Variants in MAMDC2 observed in about 807,000 individuals in gnomAD.
MAMDC2 encodes the protein MAM domain containing 2.
Under a neutral mutation model 89.8 loss-of-function variants are expected in MAMDC2, and 57 were observed. The observed-to-expected ratio is 0.63, with a 90% CI of 0.51 to 0.79. The LOEUF (loss-of-function observed/expected upper bound fraction) is 0.79. Ranked by LOEUF, MAMDC2 falls within the 30% of genes least tolerant of loss-of-function variation. The pLI is 0.00. For synonymous variants in MAMDC2, 313 were observed against 293.4 expected (o/e 1.07, Z -0.68); for missense variants, 800 against 820.6 (o/e 0.97, Z 0.31).
intron 5 of MAMDC2, among the ~76,000 whole-genome samples, chr9:70,121,161 T>C (rs1199665302): frequency 2.0e-5 from 3 of 152,044 alleles, no homozygotes; most frequent in Admixed American, 1.3e-4. Context: ...TGCTTGAAAA[T>C]AAACATTCAG....
intron 2 of MAMDC2, among the ~76,000 whole-genome samples, chr9:70,075,376 C>T (rs778070880): frequency 6.6e-6 from 1 of 152,172 alleles, no homozygotes; most frequent in Admixed American, 6.5e-5. Context: ...GCACCAGAAT[C>T]GCTACAATAT....
chr9:70,084,234 C>G (rs1827717637), intron 2 of MAMDC2, among the ~76,000 whole-genome samples: 1 of 152,074 alleles, frequency 6.6e-6, no homozygotes. Flanking sequence ...GGTCTGACTT[C>G]CTATTTAGCT....
chr9:70,218,842 A>T (rs545801020), intron 12 of MAMDC2, among the ~76,000 whole-genome samples: 53 of 152,304 alleles, frequency 3.5e-4, no homozygotes, highest in African/African-American at 1.2e-3. Flanking sequence ...AAGTATATCT[A>T]TTTTTGTCTT....
intron 11 of MAMDC2, among the ~76,000 whole-genome samples, chr9:70,207,598 G>C (rs528455985): frequency 6.6e-6 from 1 of 152,192 alleles, no homozygotes; most frequent in Non-Finnish European, 1.5e-5. Flanking sequence ...TCACTCTGAT[G>C]GTAGTTTCTT....
In MAMDC2 at chr9:70,044,707, C is replaced by A; in HGVS notation, c.148+10C>A. 6.5e-7 allele frequency: 1 copy of A among 1,542,708 alleles called. No individual in the cohort carries two copies. Among genetic ancestry groups the A allele is most frequent in the African/African-American group, 1.4e-5 (1 of 73,044 alleles). On this transcript the variant is annotated intron_variant, in intron 2 of 13. Transcript: ENST00000377182. ...ATTTTAAATGAGGAAGGTAAGGAGGCTCGGTGGAGAGGGGCGCGAAGTGAA... is the reference window on the plus strand; with the variant it reads ...ATTTTAAATGAGGAAGGTAAGGAGGATCGGTGGAGAGGGGCGCGAAGTGAA...
intron 5 of MAMDC2, among the ~76,000 whole-genome samples, chr9:70,117,625 T>TA (rs542344694): frequency 2.5e-3 from 358 of 145,952 alleles, no homozygotes; most frequent in African/African-American, 4.8e-3. Context: ...AATGATGCTT[T>TA]AAAAAAAAAA....
chr9:70,112,533 G>A (rs1227113431), intron 4 of MAMDC2, among the ~76,000 whole-genome samples: 2 of 152,128 alleles, frequency 1.3e-5, no homozygotes, highest in Non-Finnish European at 2.9e-5. Context: ...TCAAGAAAGG[G>A]TTGTGGAAAA....
intron 11 of MAMDC2, among the ~76,000 whole-genome samples, chr9:70,204,250 C>G (rs2033168492): frequency 6.7e-6 from 1 of 149,650 alleles, no homozygotes. Context: ...GATGTCCTTT[C>G]TGTTTGTTAG....
chr9:70,200,182 T>G (rs1172456570), intron 11 of MAMDC2, among the ~76,000 whole-genome samples: 1 of 152,174 alleles, frequency 6.6e-6, no homozygotes, highest in Non-Finnish European at 1.5e-5. Context: ...TTTACGGTTT[T>G]AGGTCTAACG....
rs1243393998 is a variant in MAMDC2, at chr9:70,108,294, T to C, written c.232T>C (p.Trp78Arg). Residue 78 changes from tryptophan to arginine, a missense_variant, in exon 3 of 14, where the codon TGG becomes CGG. Physicochemically the swap from Trp to Arg is moderately radical, Grantham distance 101. Transcript: ENST00000377182. ...LLSPDLQAEE[W>R]SCLRLVYQIT... ...AAGTCCTGACTTACAGGCTGAGGAA[T>C]GGAGCTGCCTCCGTTTGGTCTACCA... The C allele has an allele frequency of 6.2e-7, 1 of 1,614,090 alleles. No homozygotes were observed. The highest frequency in any genetic ancestry group is 1.3e-5 in the African/African-American group (1 of 75,058).
intron 9 of MAMDC2, among the ~76,000 whole-genome samples, chr9:70,146,190 T>G (rs994808575): frequency 1.2e-4 from 19 of 152,182 alleles, no homozygotes; most frequent in Admixed American, 1.3e-4. Context: ...CAGATAAGGG[T>G]GCCCCTAGGA....
At chr9:70,211,849 C>G (rs1025675369) in intron 11 of MAMDC2, among the ~76,000 whole-genome samples, 2 of 152,178 alleles carry the variant, frequency 1.3e-5, no homozygotes, top group Non-Finnish European at 2.9e-5. Context: ...TTCTAACAGT[C>G]AGGACCCTCA....
chr9:70,112,465 C>T (rs1587481781), intron 4 of MAMDC2, among the ~76,000 whole-genome samples: 1 of 152,114 alleles, frequency 6.6e-6, no homozygotes, highest in South Asian at 2.1e-4. Flanking sequence ...TGTCCCTCAG[C>T]TCTGGGCAAC....
At chr9:70,079,798 C>A (rs1451676487) in intron 2 of MAMDC2, among the ~76,000 whole-genome samples, 1 of 152,180 alleles carries the variant, frequency 6.6e-6, no homozygotes, top group Non-Finnish European at 1.5e-5. Flanking sequence ...TGCAACCTTG[C>A]AGAAGTTGTT....
In MAMDC2 at chr9:70,044,121, C is replaced by G. The variant is rs370451763; in HGVS notation, c.-77C>G. 1.3e-6 allele frequency: 2 copies of G among 1,567,984 alleles called. No homozygotes were observed. The highest frequency in any genetic ancestry group is 4.5e-5 in the East Asian group (2 of 44,588). On this transcript the variant is annotated 5_prime_UTR_variant, in exon 1 of 14. Transcript: ENST00000377182. The stretch of plus-strand genomic sequence containing the variant: ...CCCGGCGCCCCCGCCTCCCACGATC[C>G]CTTTCACTAGGAGCAGCCAGTCCCA...
chr9:70,197,880 T>C lies in MAMDC2; in HGVS notation c.1652-20457T>C, dbSNP rs149508185. Among the ~76,000 whole-genome samples, 22 of 152,150 alleles carry C rather than the reference T, an allele frequency of 1.4e-4. No homozygotes were observed. The East Asian group carries it at 2.5e-3, about 17-fold the overall frequency. ...TTCTGATGTATCCTTAGAAAGTCAATAGTAGCCTAACGCTACTTTACAATG... is the reference window on the plus strand; with the variant it reads ...TTCTGATGTATCCTTAGAAAGTCAACAGTAGCCTAACGCTACTTTACAATG... On this transcript the variant is annotated intron_variant, in intron 11 of 13. Coordinates refer to ENST00000377182, the MANE Select transcript of MAMDC2 (RefSeq NM_153267.5).
chr9:70,191,133 GC>G lies in MAMDC2; in HGVS notation c.1651+20503del, dbSNP rs773035105. Among the ~76,000 whole-genome samples, 85 of 152,212 alleles carry G rather than the reference GC, an allele frequency of 5.6e-4. 1 individual carries two copies. Among genetic ancestry groups the G allele is most frequent in the Non-Finnish European group, 1.0e-3 (71 of 67,984 alleles). ...AGGAGCCTGACTGAAGTTCAGTCAAGCAAAGAGTGCTTGGGAAAAGCACTCT... is the reference window on the plus strand; with the variant it reads ...AGGAGCCTGACTGAAGTTCAGTCAAGAAAGAGTGCTTGGGAAAAGCACTCT... On this transcript the variant is annotated intron_variant, in intron 11 of 13. Transcript: ENST00000377182.
intron 9 of MAMDC2, 132 bp from the exon 10 acceptor site, chr9:70,168,570 T>C: frequency 1.6e-6 from 1 of 640,888 alleles, no homozygotes; most frequent in Non-Finnish European, 2.8e-6. Context: ...TGTGTTCTGT[T>C]GTTCATACGG....
chr9:70,161,302 C>T lies in MAMDC2; in HGVS notation c.1405-7400C>T, dbSNP rs146782691. On this transcript the variant is annotated intron_variant, in intron 9 of 13. Coordinates refer to ENST00000377182, the MANE Select transcript of MAMDC2 (RefSeq NM_153267.5). ...GTCCCTAGCCCAGACCTGAAGGCTC[C>T]TGGGAGCAGAAAGACTTTCACACTG... Among the ~76,000 whole-genome samples the T allele has an allele frequency of 5.9e-5, 9 of 152,310 alleles. No homozygotes were observed. The East Asian group carries it at 1.2e-3, about 20-fold the overall frequency.
Sources: gnomAD v4.1 joint callset for allele counts (sites outside exome capture counted in the v4.1 genomes callset) on GRCh38, gnomAD v4.1.1 for gene constraint, MANE v1.5 for transcripts, NCBI Gene and HGNC (gene_info 2026-07-23, HGNC 2026-07-21) for gene names.